EPHB1: variants seen among roughly 807,000 people sequenced by gnomAD.
EPHB1 encodes EPH receptor B1.
In EPHB1, 30 loss-of-function variants were observed where a neutral mutation model predicts 94.4. The observed-to-expected ratio is 0.32, with a 90% confidence interval of 0.24 to 0.43. EPHB1 has a LOEUF of 0.43. EPHB1 is among the 20% of genes least tolerant of loss of function. The pLI, the probability that EPHB1 is intolerant of heterozygous loss-of-function variation, is 1.00. For missense variants in EPHB1, 1,055 were observed against 1,308.3 expected (o/e 0.81, Z 2.99); for synonymous variants, 522 against 489.1 (o/e 1.07, Z -0.89).
intron 1 of EPHB1, among the ~76,000 whole-genome samples, chr3:134,904,829 G>A (rs1241647302): frequency 6.6e-6 from 1 of 152,208 alleles, no homozygotes; most frequent in Non-Finnish European, 1.5e-5. Flanking sequence ...ATTTGTTCAA[G>A]CTTAGTTGGT....
chr3:135,076,262 A>ATATATATATAT (rs1559820194), intron 3 of EPHB1, among the ~76,000 whole-genome samples: 9 of 68,914 alleles, frequency 1.3e-4, no homozygotes, highest in African/African-American at 8.6e-4. Context: ...TATATATATA[A>ATATATATATAT]CTCTTAAATG....
chr3:135,080,105 C>T (rs935194516), intron 3 of EPHB1, among the ~76,000 whole-genome samples: 4 of 152,168 alleles, frequency 2.6e-5, no homozygotes, highest in South Asian at 2.1e-4. Flanking sequence ...ACTGTAGCAA[C>T]GCTGCCTCCC....
At chr3:135,229,546 C>T (rs1943485530) in intron 12 of EPHB1, among the ~76,000 whole-genome samples, 1 of 152,102 alleles carries the variant, frequency 6.6e-6, no homozygotes, top group East Asian at 1.9e-4. Flanking sequence ...TCTCTTAAAA[C>T]GGGTTGCCAT....
At chr3:135,200,795 T>TG (rs889026580) in intron 11 of EPHB1, among the ~76,000 whole-genome samples, 1 of 152,082 alleles carries the variant, frequency 6.6e-6, no homozygotes, top group African/African-American at 2.4e-5. Flanking sequence ...AATCATATTT[T>TG]GGGGGGGAGT....
At chr3:135,239,597 T>G (rs1943732835) in intron 12 of EPHB1, among the ~76,000 whole-genome samples, 1 of 151,420 alleles carries the variant, frequency 6.6e-6, no homozygotes, top group Admixed American at 6.6e-5. Context: ...AAAAGGGGGG[T>G]CATATTTGCT....
intron 3 of EPHB1, among the ~76,000 whole-genome samples, chr3:135,051,418 A>C (rs969803847): frequency 3.3e-5 from 5 of 152,248 alleles, no homozygotes; most frequent in Non-Finnish European, 7.3e-5. Context: ...TTATTTCCTA[A>C]TAATAAATCC....
At chr3:134,917,426 G>T (rs1284559891) in intron 1 of EPHB1, among the ~76,000 whole-genome samples, 1 of 152,202 alleles carries the variant, frequency 6.6e-6, no homozygotes, top group Non-Finnish European at 1.5e-5. Flanking sequence ...AAATGGCTCT[G>T]GGCCTTCCCA....
intron 5 of EPHB1, among the ~76,000 whole-genome samples, chr3:135,153,559 A>C (rs370581119): frequency 6.6e-6 from 1 of 152,218 alleles, no homozygotes; most frequent in Admixed American, 6.5e-5. Context: ...AACTCTGACC[A>C]TACCTCTGTT....
intron 1 of EPHB1, among the ~76,000 whole-genome samples, chr3:134,822,599 G>A (rs947080344): frequency 2.0e-5 from 3 of 152,080 alleles, no homozygotes; most frequent in Non-Finnish European, 4.4e-5. Flanking sequence ...TTCTATTGGT[G>A]AGCAAAGACC....
At chr3:135,042,462 A>G (rs1465394700) in intron 3 of EPHB1, among the ~76,000 whole-genome samples, 1 of 152,260 alleles carries the variant, frequency 6.6e-6, no homozygotes, top group Non-Finnish European at 1.5e-5. Flanking sequence ...CAAAATATTT[A>G]GGACATACAT....
chr3:135,089,033 T>A (rs911029322), intron 3 of EPHB1, among the ~76,000 whole-genome samples: 11 of 152,186 alleles, frequency 7.2e-5, no homozygotes, highest in Non-Finnish European at 1.5e-4. Context: ...CTTAAAAAGG[T>A]TGTAGGACTT....
At chr3:134,978,342 G>GT (rs1369771835) in intron 3 of EPHB1, among the ~76,000 whole-genome samples, 1 of 152,102 alleles carries the variant, frequency 6.6e-6, no homozygotes, top group African/African-American at 2.4e-5. Flanking sequence ...AGCTGGTCCT[G>GT]TCGACCTATG....
intron 4 of EPHB1, 70 bp from the exon 5 acceptor site, chr3:135,132,644 G>T (rs2107687016): frequency 7.1e-7 from 1 of 1,401,240 alleles, no homozygotes; most frequent in Non-Finnish European, 9.6e-7. Flanking sequence ...TGCACCAGAG[G>T]CAGACAAGAG....
At chr3:135,107,372 G>T (rs1241716677) in intron 4 of EPHB1, among the ~76,000 whole-genome samples, 1 of 152,196 alleles carries the variant, frequency 6.6e-6, no homozygotes, top group Admixed American at 6.5e-5. Context: ...CAATAATTGT[G>T]GAAGGAGGCA....
chr3:134,872,482 A>G (rs2037520580), intron 1 of EPHB1, among the ~76,000 whole-genome samples: 1 of 152,272 alleles, frequency 6.6e-6, no homozygotes, highest in Non-Finnish European at 1.5e-5. Context: ...AAGCTGAAAG[A>G]CATGGCTATT....
chr3:134,807,522 T>TGC (rs147302867), intron 1 of EPHB1, among the ~76,000 whole-genome samples: 2 of 137,814 alleles, frequency 1.5e-5, no homozygotes, highest in Non-Finnish European at 1.6e-5. Flanking sequence ...TGTGTGTGTG[T>TGC]GTGCACGTGT....
intron 1 of EPHB1, among the ~76,000 whole-genome samples, chr3:134,816,009 C>T (rs995489997): frequency 2.0e-5 from 1 of 51,268 alleles, no homozygotes; most frequent in Non-Finnish European, 4.4e-5. Flanking sequence ...AATGCTGGGG[C>T]CACACGCCGT....
intron 15 of EPHB1, among the ~76,000 whole-genome samples, chr3:135,251,815 G>C (rs1460617719): frequency 6.6e-6 from 1 of 152,210 alleles, no homozygotes; most frequent in Admixed American, 6.5e-5. Flanking sequence ...GTGATGTGCA[G>C]TGTACAAAGC....
At chr3:134,968,225 G>A (rs1375135632) in intron 3 of EPHB1, among the ~76,000 whole-genome samples, 8 of 152,216 alleles carry the variant, frequency 5.3e-5, no homozygotes, top group Admixed American at 5.2e-4. Context: ...GAATCTGCAT[G>A]TGTAGAGCTG....
Sources: gnomAD v4.1 joint callset for allele counts (sites outside exome capture counted in the v4.1 genomes callset) on GRCh38, gnomAD v4.1.1 for gene constraint, MANE v1.5 for transcripts, NCBI Gene and HGNC (gene_info 2026-07-23, HGNC 2026-07-21) for gene names.